Variants in MBOAT4 observed in about 807,000 individuals in gnomAD.
The protein encoded by MBOAT4 is membrane bound ghrelin O-acyltransferase MBOAT4, also known as membrane-bound ghrelin O-acyltransferase MBOAT4.
Under a neutral mutation model 13.2 loss-of-function variants are expected in MBOAT4, and 11 were observed. The observed-to-expected ratio is 0.84, with a 90% CI of 0.53 to 1.38. MBOAT4 has a LOEUF of 1.38. Ranked by LOEUF, MBOAT4 falls within the 40% of genes most tolerant of loss-of-function variation. MBOAT4 has a pLI of 0.00. For synonymous variants in MBOAT4, 202 were observed against 210.3 expected (o/e 0.96, Z 0.34); for missense variants, 481 against 527.2 (o/e 0.91, Z 0.86).
At position 30,132,131 on chromosome 8, in the gene MBOAT4, T is replaced by C; in HGVS notation, c.1120A>G (p.Met374Val). 6.4e-7 allele frequency: 1 copy of C among 1,551,712 alleles called. No individual in the cohort carries two copies. The highest frequency in any genetic ancestry group is 8.7e-7 in the Non-Finnish European group (1 of 1,146,996). The change falls in exon 3 of 3, where the codon ATG becomes GTG. Residue 374 changes from methionine to valine, a missense_variant. Transcript: ENST00000320542. ...FANEFIRSWP[M>V]RLFYRTLTWA... The stretch of plus-strand genomic sequence containing the variant: ...GTGAGGGTTCTATAGAACAGCCTCA[T>C]CGGCCAGGATCTGATAAACTCATTG...
Position 30,132,537 on chromosome 8 carries a change from G to T in MBOAT4, c.714C>A (p.Phe238Leu), listed in dbSNP as rs139376997. The change falls in exon 3 of 3, where the codon TTC (phenylalanine) becomes TTA (leucine). Residue 238 changes from phenylalanine (F) to leucine (L), a missense_variant. Coordinates refer to ENST00000320542, the MANE Select transcript of MBOAT4 (RefSeq NM_001100916.2). The part of the protein sequence containing the change: ...AGAGLTDCQQ[F>L]ECIYVVWTTA... Reference sequence around the variant, plus strand: ...TGGTCCACACGACATAGATGCACTCGAATTGCTGGCAATCAGTCAGTCCCG... The same window carrying T: ...TGGTCCACACGACATAGATGCACTCTAATTGCTGGCAATCAGTCAGTCCCG... The T allele has an allele frequency of 6.4e-7, 1 of 1,551,738 alleles. No individual in the cohort carries two copies.
rs1223383899 is a variant in MBOAT4, at chr8:30,132,207, G to A, written c.1044C>T (p.Phe348=). The A allele has an allele frequency of 6.4e-6, 10 of 1,551,730 alleles. No individual in the cohort carries two copies. The highest frequency in any genetic ancestry group is 4.9e-5 in the East Asian group (2 of 40,938). ...CTTCCACCATCACGGCCCAGCAAAC[G>A]AAACCAAACACCTGTCCTGGATGGA... ...HGLHPGQVFG[F]VCWAVMVEAD... Residue 348 remains phenylalanine (F), a synonymous_variant, in exon 3 of 3, where the codon TTC becomes TTT. Transcript: ENST00000320542.
In MBOAT4 at chr8:30,132,160, A is replaced by G; in HGVS notation, c.1091T>C (p.Phe364Ser). Residue 364 changes from phenylalanine to serine, a missense_variant, in exon 3 of 3, where the codon TTT (phenylalanine) becomes TCT (serine). Transcript: ENST00000320542. ...MVEADYLIHS[F>S]ANEFIRSWPM... ...CCAGGATCTGATAAACTCATTGGCA[A>G]AGGAGTGAATCAGGTAGTCAGCTTC... is the stretch of plus-strand genomic sequence containing the variant. 6.4e-7 allele frequency: 1 copy of G among 1,551,824 alleles called. No homozygotes were observed. Among genetic ancestry groups the G allele is most frequent in the South Asian group, 1.2e-5 (1 of 84,066 alleles).
chr8:30,136,586 C>A (rs992651943), intron 2 of MBOAT4, among the ~76,000 whole-genome samples: 1 of 152,212 alleles, frequency 6.6e-6, no homozygotes, highest in African/African-American at 2.4e-5. Context: ...GCTCTCCCAG[C>A]CCCATCAGGC....
In MBOAT4 at chr8:30,132,233, G is replaced by A; in HGVS notation, c.1018C>T (p.Leu340Phe). 1.9e-6 allele frequency: 3 copies of A among 1,551,864 alleles called. No individual in the cohort carries two copies. Among genetic ancestry groups the A allele is most frequent in the Non-Finnish European group, 2.6e-6 (3 of 1,147,024 alleles). ...TFAFSAWWHG[L>F]HPGQVFGFVC... ...AAACCAAACACCTGTCCTGGATGGAGTCCATGCCACCAGGCAGAGAAGGCA... is the reference window on the plus strand; with the variant it reads ...AAACCAAACACCTGTCCTGGATGGAATCCATGCCACCAGGCAGAGAAGGCA... Residue 340 changes from leucine (L) to phenylalanine (F), a missense_variant, in exon 3 of 3, where the codon CTC becomes TTC. By Grantham distance (22) the Leu-to-Phe change is conservative (BLOSUM62 0). Coordinates refer to ENST00000320542, the MANE Select transcript of MBOAT4 (RefSeq NM_001100916.2).
intron 1 of MBOAT4, among the ~76,000 whole-genome samples, chr8:30,141,207 A>C (rs1480386528): frequency 6.6e-6 from 1 of 152,120 alleles, no homozygotes; most frequent in Non-Finnish European, 1.5e-5. Context: ...CCTCTCTCAG[A>C]AGCCAAGGAG....
chr8:30,143,370 T>A (rs1394085046), intron 1 of MBOAT4, among the ~76,000 whole-genome samples: 3,081 of 11,452 alleles, frequency 0.27, 126 homozygotes, highest in Non-Finnish European at 0.36. Flanking sequence ...AAAAAAAATA[T>A]ATATATATAT....
intron 1 of MBOAT4, among the ~76,000 whole-genome samples, chr8:30,141,376 T>A (rs1803257391): frequency 6.6e-6 from 1 of 152,118 alleles, no homozygotes; most frequent in Admixed American, 6.5e-5. Context: ...GGCTCATGCT[T>A]GTAATCCCAG....
chr8:30,144,349 A>G (rs147849954), intron 1 of MBOAT4, 134 bp downstream of exon 1: 7 of 584,900 alleles, frequency 1.2e-5, no homozygotes, highest in Non-Finnish European at 1.8e-5. Flanking sequence ...TTGGCCAGGC[A>G]GTTCTCAAAC....
intron 1 of MBOAT4, among the ~76,000 whole-genome samples, chr8:30,141,733 G>T (rs1319654338): frequency 2.0e-5 from 3 of 152,228 alleles, no homozygotes; most frequent in African/African-American, 7.2e-5. Flanking sequence ...GCGACTCAAA[G>T]AAGCCTAGGA....
In MBOAT4 at chr8:30,131,989, C is replaced by T. The variant is rs148250893; in HGVS notation, c.1262G>A (p.Cys421Tyr). The change falls in exon 3 of 3, where the codon TGT becomes TAT. Residue 421 changes from cysteine (C) to tyrosine (Y), a missense_variant. Transcript: ENST00000320542. Reference sequence around the variant, plus strand: ...CTTCGCCAATAGCAAAAGCAGAATACAGTACACCATGGGAAAGACACTGTT... The same window carrying T: ...CTTCGCCAATAGCAAAAGCAGAATATAGTACACCATGGGAAAGACACTGTT... ...SYNSVFPMVY[C>Y]ILLLLLAKRK... 1.3e-6 allele frequency: 2 copies of T among 1,552,080 alleles called. No individual in the cohort carries two copies. Among genetic ancestry groups the T allele is most frequent in the South Asian group, 1.2e-5 (1 of 84,054 alleles).
chr8:30,134,996 C>A (rs1803108346), intron 2 of MBOAT4, among the ~76,000 whole-genome samples: 1 of 152,154 alleles, frequency 6.6e-6, no homozygotes, highest in Middle Eastern at 3.2e-3. Flanking sequence ...CCTCCCACCT[C>A]TCCCTCCTGA....
intron 2 of MBOAT4, chr8:30,137,315 C>T (rs1163600903): frequency 6.4e-7 from 1 of 1,551,708 alleles, no homozygotes. Flanking sequence ...ACAGCTGAGT[C>T]TGAAGGAAGA....
chr8:30,144,082 T>A (rs1330410376), intron 1 of MBOAT4, among the ~76,000 whole-genome samples: 2 of 152,216 alleles, frequency 1.3e-5, no homozygotes, highest in Admixed American at 6.5e-5. Flanking sequence ...AATTAATATA[T>A]TGTAATCTTC....
chr8:30,132,714 A>T lies in MBOAT4; in HGVS notation c.537T>A (p.Ser179=). ...LLFFPALLGG[S]LCSFQRFQAR... is the part of the protein sequence containing the mutation. ...CCTGAAATCGCTGGAAGGAGCACAG[A>T]GAGCCTCCCAGGAGAGCAGGGAAAA... The change falls in exon 3 of 3, where the codon TCT becomes TCA. Residue 179 remains serine (S), a synonymous_variant. Transcript: ENST00000320542. 2.6e-6 allele frequency: 4 copies of T among 1,551,764 alleles called. No individual in the cohort carries two copies. In the South Asian group the frequency reaches 4.8e-5, roughly 18 times the overall value.
intron 2 of MBOAT4, chr8:30,137,464 C>G: frequency 1.3e-6 from 2 of 1,551,700 alleles, no homozygotes; most frequent in Non-Finnish European, 1.7e-6. Context: ...TCTGTGGGCT[C>G]TAGGATTCCT....
Position 30,138,648 on chromosome 8 carries a change from G to C in MBOAT4, c.228C>G (p.Ser76=), listed in dbSNP as rs538655898. Residue 76 remains serine, a synonymous_variant, in exon 2 of 3, where the codon TCC becomes TCG. Coordinates refer to ENST00000320542, the MANE Select transcript of MBOAT4 (RefSeq NM_001100916.2). Reference sequence around the variant, plus strand: ...ACCTGTGGACTTGCTGAGGAGCCAGGGAACAGAGGAGAGCCACAGCGCAGA... The same window carrying C: ...ACCTGTGGACTTGCTGAGGAGCCAGCGAACAGAGGAGAGCCACAGCGCAGA... ...PAVCAVALLC[S]LAPQQVHRWT... 9 of 1,551,418 alleles carry C rather than the reference G, an allele frequency of 5.8e-6. No individual in the cohort carries two copies. The highest frequency in any genetic ancestry group is 7.0e-6 in the Non-Finnish European group (8 of 1,146,872).
Position 30,131,934 on chromosome 8 carries a change from G to A in MBOAT4, c.*9C>T, listed in dbSNP as rs142942186. On this transcript the variant is annotated 3_prime_UTR_variant, in exon 3 of 3. Coordinates refer to ENST00000320542, the MANE Select transcript of MBOAT4 (RefSeq NM_001100916.2). ...CCTGGGTGTTTAAGGTGAAAGCCAG[G>A]GAAAGATGTCAGTTACATTTGTGCT... 1 of 1,538,152 alleles carries A rather than the reference G, an allele frequency of 6.5e-7. No homozygotes were observed. The highest frequency in any genetic ancestry group is 1.2e-5 in the South Asian group (1 of 82,748).
chr8:30,136,326 T>A (rs183281269), intron 2 of MBOAT4, among the ~76,000 whole-genome samples: 1 of 152,054 alleles, frequency 6.6e-6, no homozygotes, highest in Admixed American at 6.5e-5. Context: ...GACAGAGGAG[T>A]GACCATCACG....
Sources: gnomAD v4.1 joint callset for allele counts (sites outside exome capture counted in the v4.1 genomes callset) on GRCh38, gnomAD v4.1.1 for gene constraint, MANE v1.5 for transcripts, NCBI Gene and HGNC (gene_info 2026-07-23, HGNC 2026-07-21) for gene names.